Variants in TENM2 observed in about 807,000 individuals in gnomAD.
TENM2 encodes teneurin transmembrane protein 2.
TENM2 carries 52 observed loss-of-function variants against 245.2 expected under a neutral mutation model. The ratio of observed to expected loss-of-function variants is 0.21; its 90% confidence interval spans 0.17 to 0.27. The LOEUF (loss-of-function observed/expected upper bound fraction) is 0.27, where lower values mean the gene tolerates loss of function less well. Among genes scored for constraint, TENM2 ranks in the 10% least tolerant of loss-of-function variants. TENM2 has a pLI of 1.00. For missense variants in TENM2, 3,046 were observed against 3,666.8 expected, an observed-to-expected ratio of 0.83 and a Z score of 4.37; for synonymous variants, 1,363 against 1,438.9, an observed-to-expected ratio of 0.95 and a Z score of 1.19.
chr5:167,923,021 T>C (rs1238626234), intron 3 of TENM2, among the ~76,000 whole-genome samples: 3 of 152,212 alleles, frequency 2.0e-5, no homozygotes, highest in African/African-American at 7.2e-5. Context: ...CTGTCTCTTA[T>C]ACTCTAATCG....
intron 5 of TENM2, among the ~76,000 whole-genome samples, chr5:168,000,468 G>A (rs1304292165): frequency 6.6e-6 from 1 of 152,152 alleles, no homozygotes; most frequent in Non-Finnish European, 1.5e-5. Flanking sequence ...GTGATGATGG[G>A]CTTGCTATTT....
chr5:168,146,126 A>G (rs1223136374), intron 12 of TENM2, among the ~76,000 whole-genome samples: 1 of 151,526 alleles, frequency 6.6e-6, no homozygotes, highest in Non-Finnish European at 1.5e-5. Context: ...TCGTCTGCAA[A>G]CAGGGACAAT....
intron 2 of TENM2, among the ~76,000 whole-genome samples, chr5:167,451,304 C>T (rs962264351): frequency 3.3e-5 from 5 of 152,180 alleles, no homozygotes; most frequent in Admixed American, 6.5e-5. Flanking sequence ...GCACACACCA[C>T]ATGGTTTCAA....
chr5:167,779,848 G>C (rs1213885745), intron 2 of TENM2, among the ~76,000 whole-genome samples: 1 of 152,198 alleles, frequency 6.6e-6, no homozygotes, highest in Non-Finnish European at 1.5e-5. Context: ...TTTAGAGAAG[G>C]CTACAACCAG....
chr5:168,045,815 G>T (rs2152030911), intron 5 of TENM2, among the ~76,000 whole-genome samples: 1 of 152,278 alleles, frequency 6.6e-6, no homozygotes, highest in East Asian at 1.9e-4. Context: ...ACCATGATTA[G>T]TTCTCATTTC....
At chr5:167,202,329 C>T in the TENM2 span, among the ~76,000 whole-genome samples, 1 of 152,110 alleles carries the variant, frequency 6.6e-6, no homozygotes, top group Non-Finnish European at 1.5e-5. Flanking sequence ...TTTCCTCTGT[C>T]AGCCTACTGC....
chr5:167,463,012 C>T (rs1014239559), intron 2 of TENM2, among the ~76,000 whole-genome samples: 1 of 152,054 alleles, frequency 6.6e-6, no homozygotes, highest in African/African-American at 2.4e-5. Flanking sequence ...TTGTAACATT[C>T]AAGAGGATAT....
At chr5:167,750,895 A>T (rs1761915330) in intron 2 of TENM2, among the ~76,000 whole-genome samples, 1 of 152,180 alleles carries the variant, frequency 6.6e-6, no homozygotes, top group Non-Finnish European at 1.5e-5. Context: ...CCAGTGTATC[A>T]GGAAATGTGC....
chr5:167,419,277 C>T (rs777065151), intron 2 of TENM2, among the ~76,000 whole-genome samples: 7 of 151,940 alleles, frequency 4.6e-5, no homozygotes, highest in Admixed American at 2.0e-4. Flanking sequence ...GCCTGGCCAA[C>T]GTGGTGAAAC....
In TENM2 at chr5:168,244,721, G is replaced by A. The variant is rs1766397872; in HGVS notation, c.5817+5G>A. 7.0e-7 allele frequency: 1 copy of A among 1,434,622 alleles called. No homozygotes were observed. The allele number at this position is 1,434,622 out of a possible 1,614,324, so 88.9% of individuals were successfully genotyped here. ...AGCTACTCCTACCTTGACAAGGTAGGTGAACATGCTGCCCTGACAGCAAGG... is the reference window on the plus strand; with the variant it reads ...AGCTACTCCTACCTTGACAAGGTAGATGAACATGCTGCCCTGACAGCAAGG... On this transcript the variant is annotated splice_donor_5th_base_variant and intron_variant, in intron 26 of 28. Transcript: ENST00000518659. The surrounding 1 kb of genome is among the most constrained non-coding windows in gnomAD (Gnocchi z 4.9).
chr5:168,028,234 A>T (rs1177800094), intron 5 of TENM2, among the ~76,000 whole-genome samples: 1 of 152,140 alleles, frequency 6.6e-6, no homozygotes, highest in Non-Finnish European at 1.5e-5. Flanking sequence ...TAGAATCACA[A>T]TTTGATCCTA....
chr5:167,465,392 TG>T (rs1463795426), intron 2 of TENM2, among the ~76,000 whole-genome samples: 1 of 152,136 alleles, frequency 6.6e-6, no homozygotes, highest in Admixed American at 6.5e-5. Flanking sequence ...GGGGGAGAGA[TG>T]GGGCAAAGGA....
In TENM2 at chr5:168,082,411, G is replaced by A. The variant is rs745366670; in HGVS notation, c.1516-8163G>A. On this transcript the variant is annotated intron_variant, in intron 7 of 28. Coordinates refer to ENST00000518659, the Ensembl canonical transcript of TENM2. ...TAGGTCTGAGAAGTTTGTTATTACC[G>A]ATCATCTGAAGCCTTCTTCTCTCAA... Among the ~76,000 whole-genome samples the A allele has an allele frequency of 2.6e-5, 4 of 152,108 alleles. 1 individual carries two copies. The highest frequency in any genetic ancestry group is 7.2e-5 in the African/African-American group (3 of 41,428).
At chr5:167,465,634 C>T (rs1319633291) in intron 2 of TENM2, among the ~76,000 whole-genome samples, 2 of 152,170 alleles carry the variant, frequency 1.3e-5, no homozygotes, top group Non-Finnish European at 2.9e-5. Flanking sequence ...TCGAGACCAT[C>T]CTGACTAACA....
At chr5:168,258,088 G>T (rs1172701222) in intron 27 of TENM2, among the ~76,000 whole-genome samples, 2 of 152,126 alleles carry the variant, frequency 1.3e-5, no homozygotes, top group African/African-American at 4.8e-5. Context: ...AAAAGTAAAG[G>T]ATTTAGCTGC....
At chr5:167,498,939 A>G (rs1582212331) in intron 2 of TENM2, among the ~76,000 whole-genome samples, 1 of 152,152 alleles carries the variant, frequency 6.6e-6, no homozygotes, top group Non-Finnish European at 1.5e-5. Context: ...AACCAAGGTT[A>G]AGAACTGCAT....
the TENM2 span, among the ~76,000 whole-genome samples, chr5:167,027,744 T>C: frequency 1.3e-5 from 2 of 152,170 alleles, no homozygotes; most frequent in African/African-American, 4.8e-5. Flanking sequence ...TTAGCAATAT[T>C]AGTACTTTGG....
intron 2 of TENM2, among the ~76,000 whole-genome samples, chr5:167,430,308 G>A (rs935156803): frequency 2.6e-5 from 4 of 152,072 alleles, no homozygotes; most frequent in African/African-American, 4.8e-5. Flanking sequence ...AATCAAACTC[G>A]TACGGTAGAG....
rs751692048 is a variant in TENM2, at chr5:168,199,857, T to C, written c.3163-7T>C. 1.1e-5 allele frequency: 18 copies of C among 1,612,594 alleles called. No individual in the cohort carries two copies. Among genetic ancestry groups the C allele is most frequent in the Non-Finnish European group, 1.4e-5 (17 of 1,179,104 alleles). On this transcript the variant is annotated splice_region_variant and splice_polypyrimidine_tract_variant and intron_variant, in intron 16 of 28. Coordinates refer to ENST00000518659, the Ensembl canonical transcript of TENM2. The stretch of plus-strand genomic sequence containing the variant: ...AGGTGTGTGTCTGCCATGTGTTTCC[T>C]CTCCAGGTTCTTCATGAAGAAATCG...
Sources: allele counts gnomAD v4.1 joint callset (sites outside exome capture counted in the v4.1 genomes callset), GRCh38; gene constraint gnomAD v4.1.1; non-coding constraint Gnocchi (gnomAD v3.1); transcripts MANE v1.5; gene names NCBI Gene and HGNC (gene_info 2026-07-23, HGNC 2026-07-21).